Variants in SH3BP5 observed in about 807,000 individuals in gnomAD.
The protein encoded by SH3BP5 is SH3 domain-binding protein 5.
Under a neutral mutation model 43.3 loss-of-function variants are expected in SH3BP5, and 22 were observed. The observed-to-expected ratio is 0.51, with a 90% CI of 0.36 to 0.73. The LOEUF is 0.73. Ranked by LOEUF, SH3BP5 falls within the 30% of genes least tolerant of loss-of-function variation. SH3BP5 has a pLI of 0.00. For missense variants in SH3BP5, 529 were observed against 586.9 expected (o/e 0.90, Z 1.02); for synonymous variants, 255 against 225.8 (o/e 1.13, Z -1.16).
At chr3:15,301,822 AG>A (rs553310553) in intron 3 of SH3BP5, among the ~76,000 whole-genome samples, 92 of 152,098 alleles carry the variant, frequency 6.0e-4, no homozygotes, top group Admixed American at 9.8e-4. Flanking sequence ...CCCAACACAA[AG>A]CCCCCTAGAG....
At chr3:15,337,108 G>A (rs9817258), upstream of SH3BP5, among the ~76,000 whole-genome samples, 22,929 of 60,234 alleles carry the variant, frequency 0.38, 1,875 homozygotes, top group Middle Eastern at 0.49. Context: ...TTTTTTTTTT[G>A]GGACAGAGTC....
intron 3 of SH3BP5, among the ~76,000 whole-genome samples, chr3:15,285,047 T>C (rs552047898): frequency 6.6e-6 from 1 of 152,346 alleles, no homozygotes; most frequent in Non-Finnish European, 1.5e-5. Flanking sequence ...CCTTGTGTCC[T>C]GGAAAGTCTT....
intron 2 of SH3BP5, among the ~76,000 whole-genome samples, chr3:15,311,260 G>C (rs1234763375): frequency 2.0e-5 from 3 of 152,124 alleles, no homozygotes; most frequent in Non-Finnish European, 4.4e-5. Flanking sequence ...TTTCCATCCC[G>C]AGTTTACAGA....
chr3:15,271,980 A>G (rs986707988), intron 3 of SH3BP5, among the ~76,000 whole-genome samples: 3 of 152,058 alleles, frequency 2.0e-5, no homozygotes, highest in Non-Finnish European at 4.4e-5. Context: ...CCCTCGGTTA[A>G]CCACATCCCC....
chr3:15,319,990 C>A (rs763342112), intron 2 of SH3BP5, among the ~76,000 whole-genome samples: 2 of 152,094 alleles, frequency 1.3e-5, no homozygotes, highest in Non-Finnish European at 2.9e-5. Flanking sequence ...GAAACAGTAA[C>A]CAGAACAATG....
chr3:15,255,827 A>G lies in SH3BP5; in HGVS notation c.*259T>C, dbSNP rs1316292009. The G allele has an allele frequency of 2.5e-6, 1 of 394,104 alleles. No homozygotes were observed. Among genetic ancestry groups the G allele is most frequent in the South Asian group, 4.4e-5 (1 of 22,494 alleles). The allele number at this position is 394,104 out of a possible 1,614,324, so 24.4% of individuals were successfully genotyped here. A position where few individuals can be genotyped will look rare whatever the true frequency, so the allele number is the denominator to read the frequency against. On this transcript the variant is annotated 3_prime_UTR_variant, in exon 9 of 9. Coordinates refer to ENST00000383791, the MANE Select transcript of SH3BP5 (RefSeq NM_004844.5). Reference sequence around the variant, plus strand: ...CATAGGAACTAGTTATTGCTTCCACAATGCCGTTATACGGAATGTTCCACA... The same window carrying G: ...CATAGGAACTAGTTATTGCTTCCACGATGCCGTTATACGGAATGTTCCACA...
chr3:15,309,917 A>T (rs1449724835), intron 2 of SH3BP5, among the ~76,000 whole-genome samples: 13 of 65,958 alleles, frequency 2.0e-4, no homozygotes, highest in Admixed American at 8.9e-4. Context: ...CCCCCCCCCC[A>T]TAAGAAAAAG....
At chr3:15,281,964 G>A (rs745855219) in intron 3 of SH3BP5, among the ~76,000 whole-genome samples, 5 of 152,074 alleles carry the variant, frequency 3.3e-5, no homozygotes, top group South Asian at 2.1e-4. Flanking sequence ...CCGAGATTGC[G>A]CCACTGCACT....
chr3:15,319,568 A>G (rs1286442440), intron 2 of SH3BP5, among the ~76,000 whole-genome samples: 1 of 152,218 alleles, frequency 6.6e-6, no homozygotes, highest in Non-Finnish European at 1.5e-5. Flanking sequence ...CCAACAGATT[A>G]TAATAGAAGA....
At chr3:15,265,374 G>A (rs545775107) in intron 4 of SH3BP5, among the ~76,000 whole-genome samples, 291 of 152,100 alleles carry the variant, frequency 1.9e-3, no homozygotes, top group African/African-American at 6.7e-3. Flanking sequence ...AAATTAGCTG[G>A]GTGTGGTGGT....
chr3:15,267,086 T>C (rs184980586), intron 4 of SH3BP5, among the ~76,000 whole-genome samples: 1 of 152,260 alleles, frequency 6.6e-6, no homozygotes, highest in African/African-American at 2.4e-5. Context: ...CATCCTAGAG[T>C]ACCCAGAAGG....
At chr3:15,256,617 G>C in intron 8 of SH3BP5, 1 of 601,510 alleles carries the variant, frequency 1.7e-6, no homozygotes, top group East Asian at 2.8e-5. Flanking sequence ...CAAGGAGACT[G>C]TTCTGATGTG....
chr3:15,323,159 T>TAAATAAATA (rs1553620121), intron 2 of SH3BP5, among the ~76,000 whole-genome samples: 1 of 151,550 alleles, frequency 6.6e-6, no homozygotes, highest in Non-Finnish European at 1.5e-5. Flanking sequence ...AATAAATAAA[T>TAAATAAATA]AAATAAAGCA....
Position 15,287,670 on chromosome 3 carries a change from C to G in SH3BP5, c.330+16433G>C, listed in dbSNP as rs113886395. ...CTAATGGCTACTATTTTGAACATCA[C>G]AGAGCTAGTCAGTCTGGGAAGAAAG... On this transcript the variant is annotated intron_variant, in intron 3 of 8. Coordinates refer to ENST00000383791, the MANE Select transcript of SH3BP5 (RefSeq NM_004844.5). Among the ~76,000 whole-genome samples, 18 of 152,302 alleles carry G rather than the reference C, an allele frequency of 1.2e-4. 2 individuals are homozygous for G. The highest frequency in any genetic ancestry group is 4.3e-4 in the African/African-American group (18 of 41,570).
intron 2 of SH3BP5, 176 bp from the exon 3 acceptor site, chr3:15,304,407 C>T (rs767965440): frequency 2.0e-5 from 19 of 955,114 alleles, no homozygotes; most frequent in Admixed American, 1.6e-4. Flanking sequence ...CTTCCTGCCA[C>T]GGCGGAAACG....
intron 3 of SH3BP5, among the ~76,000 whole-genome samples, chr3:15,291,791 T>C (rs193108853): frequency 3.3e-5 from 5 of 152,332 alleles, no homozygotes; most frequent in East Asian, 1.9e-4. Flanking sequence ...CAGAACCACT[T>C]GAAGCCCCAG....
At chr3:15,298,591 G>A (rs61111987) in intron 3 of SH3BP5, among the ~76,000 whole-genome samples, 11,803 of 152,206 alleles carry the variant, frequency 0.078, 1,560 homozygotes, top group African/African-American at 0.27. Flanking sequence ...TGGATGAATG[G>A]ATAAATAAAA....
chr3:15,333,367 G>A (rs914743332), upstream of SH3BP5: 5 of 606,764 alleles, frequency 8.2e-6, no homozygotes, highest in African/African-American at 8.0e-5. Context: ...GCACATGGCT[G>A]CTCACGTCTC....
intron 3 of SH3BP5, among the ~76,000 whole-genome samples, chr3:15,276,365 G>C (rs1005829040): frequency 7.9e-5 from 12 of 152,186 alleles, no homozygotes; most frequent in African/African-American, 2.9e-4. Flanking sequence ...ATGTCACATA[G>C]CTGTTTAGTG....
Sources: gnomAD v4.1 joint callset for allele counts (sites outside exome capture counted in the v4.1 genomes callset) on GRCh38, gnomAD v4.1.1 for gene constraint, MANE v1.5 for transcripts, NCBI Gene and HGNC (gene_info 2026-07-23, HGNC 2026-07-21) for gene names.